The following HDAC9 variants were observed in gnomAD, a reference collection of about 807,000 sequenced individuals.
HDAC9 encodes the protein histone deacetylase 9, also known as MEF-2 interacting transcription repressor (MITR) protein.
In HDAC9, 41 loss-of-function variants were observed where a neutral mutation model predicts 139.4. The ratio of observed to expected loss-of-function variants is 0.29; its 90% CI spans 0.23 to 0.38. The LOEUF (loss-of-function observed/expected upper bound fraction) is 0.38. HDAC9 is among the 10% of genes least tolerant of loss of function. The pLI, the probability that HDAC9 is intolerant of heterozygous loss-of-function variation, is 1.00. For missense variants in HDAC9, 1,147 were observed against 1,297.0 expected, an observed-to-expected ratio of 0.88 and a Z score of 1.78; for synonymous variants, 517 against 476.2, an observed-to-expected ratio of 1.09 and a Z score of -1.12.
chr7:18,236,935 C>T lies in HDAC9; in HGVS notation c.25+74586C>T, dbSNP rs113083617. Among the ~76,000 whole-genome samples, 1,021 of 152,258 alleles carry T rather than the reference C, an allele frequency of 6.7e-3. 12 individuals carry two copies. Among genetic ancestry groups the T allele is most frequent in the African/African-American group, 0.022 (900 of 41,546 alleles). ...GCATCATGGTCTCAACTAGTGCTAC[C>T]GACTCATCCCAGTTGGCTTGAGACT... On this transcript the variant is annotated intron_variant, in intron 2 of 12. Coordinates refer to the HDAC9 transcript ENST00000417496.
At chr7:18,763,564 A>G (rs966921832) in intron 15 of HDAC9, among the ~76,000 whole-genome samples, 3 of 152,168 alleles carry the variant, frequency 2.0e-5, no homozygotes, top group African/African-American at 4.8e-5. Flanking sequence ...TTTCCTTTCT[A>G]TTTTAGAAAC....
At chr7:18,136,681 G>A (rs1429718654) in intron 1 of HDAC9, among the ~76,000 whole-genome samples, 14 of 152,104 alleles carry the variant, frequency 9.2e-5, no homozygotes, top group East Asian at 5.8e-4. Context: ...TTTGGTACCA[G>A]TACCATGCTG....
At chr7:18,144,748 C>A (rs1786171854) in intron 1 of HDAC9, among the ~76,000 whole-genome samples, 1 of 152,120 alleles carries the variant, frequency 6.6e-6, no homozygotes, top group Non-Finnish European at 1.5e-5. Context: ...TTTTCTCTTT[C>A]CATCTCCTCT....
intron 1 of HDAC9, among the ~76,000 whole-genome samples, chr7:18,454,744 T>TA (rs1403892733): frequency 4.6e-5 from 7 of 152,084 alleles, no homozygotes; most frequent in Non-Finnish European, 2.9e-5. Context: ...GCATTTATCC[T>TA]AAAAAATGTG....
At chr7:18,920,247 C>T (rs1803574224) in intron 22 of HDAC9, among the ~76,000 whole-genome samples, 1 of 152,062 alleles carries the variant, frequency 6.6e-6, no homozygotes, top group South Asian at 2.1e-4. Flanking sequence ...GTGTTTTATT[C>T]TCTTTGAAGC....
intron 1 of HDAC9, among the ~76,000 whole-genome samples, chr7:18,340,608 G>A (rs1016536631): frequency 4.6e-5 from 7 of 151,364 alleles, no homozygotes; most frequent in Admixed American, 2.6e-4. Context: ...TGATATTATA[G>A]CATTTCATGT....
At chr7:18,596,092 A>AT (rs1478805460) in intron 6 of HDAC9, among the ~76,000 whole-genome samples, 1 of 151,890 alleles carries the variant, frequency 6.6e-6, no homozygotes, top group African/African-American at 2.4e-5. Context: ...TTCTAGAGGT[A>AT]TTTTTTCTGT....
chr7:18,926,378 A>G (rs74341529), intron 22 of HDAC9, among the ~76,000 whole-genome samples: 2,015 of 152,254 alleles, frequency 0.013, 43 homozygotes, highest in African/African-American at 0.046. Context: ...AGCATCTGCC[A>G]TATGCCAGAC....
chr7:18,570,155 T>C (rs113005050), intron 2 of HDAC9, among the ~76,000 whole-genome samples: 8 of 151,936 alleles, frequency 5.3e-5, no homozygotes, highest in African/African-American at 1.9e-4. Flanking sequence ...GATTGGAGAG[T>C]ACAGCCATAG....
chr7:18,961,616 C>A (rs1021157548), intron 24 of HDAC9, among the ~76,000 whole-genome samples: 1 of 152,130 alleles, frequency 6.6e-6, no homozygotes, highest in Non-Finnish European at 1.5e-5. Flanking sequence ...TTACACAATA[C>A]AAACCCTGTA....
At chr7:18,473,584 T>C (rs1052196039) in intron 1 of HDAC9, among the ~76,000 whole-genome samples, 2 of 152,200 alleles carry the variant, frequency 1.3e-5, no homozygotes, top group African/African-American at 2.4e-5. Flanking sequence ...CCTATGACAA[T>C]ATAAGAAGAG....
At chr7:18,484,226 T>G (rs1795801955) in intron 1 of HDAC9, among the ~76,000 whole-genome samples, 1 of 150,244 alleles carries the variant, frequency 6.7e-6, no homozygotes, top group Non-Finnish European at 1.5e-5. Context: ...GTGCCTGTAG[T>G]CCCAGCGCTT....
chr7:18,291,166 T>G (rs10273033), intron 1 of HDAC9, among the ~76,000 whole-genome samples: 2,670 of 152,162 alleles, frequency 0.018, 87 homozygotes, highest in African/African-American at 0.061. Flanking sequence ...GCCTAAAGTT[T>G]CCTAAAGGCT....
chr7:18,932,880 G>GAAAGAAAA lies in HDAC9; in HGVS notation c.2804-2929_2804-2928insAAAGAAAA, dbSNP rs1554405266. On this transcript the variant is annotated intron_variant, in intron 22 of 25. Transcript: ENST00000686413. ...AGAAAGAAAGAAAGAAAGAAAGAAA[G>GAAAGAAAA]GATGTCCTGACTTTCTTCTCCATGA... is the stretch of plus-strand genomic sequence containing the variant. 7.1e-3 allele frequency among the ~76,000 whole-genome samples: 1,083 copies of GAAAGAAAA among 151,698 alleles called. 30 individuals are homozygous for GAAAGAAAA. Among genetic ancestry groups the GAAAGAAAA allele is most frequent in the East Asian group, 0.044 (224 of 5,134 alleles).
intron 25 of HDAC9, among the ~76,000 whole-genome samples, chr7:18,980,712 T>C (rs1246653165): frequency 6.9e-6 from 1 of 144,946 alleles, no homozygotes; most frequent in Admixed American, 6.9e-5. Context: ...TTCTTCCTTC[T>C]TCCTCTTCTT....
intron 15 of HDAC9, among the ~76,000 whole-genome samples, chr7:18,763,332 G>A (rs1306226789): frequency 6.6e-6 from 1 of 152,166 alleles, no homozygotes; most frequent in Non-Finnish European, 1.5e-5. Flanking sequence ...TTTATGAAGT[G>A]CAGGCATATG....
At chr7:18,430,257 TC>T (rs1227203385) in intron 1 of HDAC9, among the ~76,000 whole-genome samples, 2 of 152,170 alleles carry the variant, frequency 1.3e-5, no homozygotes, top group African/African-American at 4.8e-5. Flanking sequence ...GGTGTCTTGC[TC>T]TATTGCCCAG....
At chr7:18,507,032 C>T (rs1015486872) in intron 2 of HDAC9, among the ~76,000 whole-genome samples, 18 of 151,894 alleles carry the variant, frequency 1.2e-4, no homozygotes, top group South Asian at 4.2e-4. Context: ...ATGTTAAATT[C>T]GCATTTTATA....
intron 1 of HDAC9, among the ~76,000 whole-genome samples, chr7:18,093,441 C>T (rs574031714): frequency 9.2e-5 from 14 of 152,288 alleles, no homozygotes; most frequent in African/African-American, 3.4e-4. Context: ...CTTGAGAGAA[C>T]TGGATACTGC....
Sources: allele counts gnomAD v4.1 joint callset (sites outside exome capture counted in the v4.1 genomes callset), GRCh38; gene constraint gnomAD v4.1.1; transcripts MANE v1.5; gene names NCBI Gene and HGNC (gene_info 2026-07-23, HGNC 2026-07-21).